The following PRKCQ variants were observed in gnomAD, a reference collection of about 807,000 sequenced individuals.
PRKCQ encodes protein kinase C theta.
In PRKCQ, 41 loss-of-function variants were observed where a neutral mutation model predicts 91.2. The observed-to-expected ratio is 0.45, with a 90% CI of 0.35 to 0.58. The LOEUF is 0.58. PRKCQ is among the 20% of genes least tolerant of loss of function. The probability of loss-of-function intolerance (pLI) is 0.00; values close to 1 mark genes in which losing one functional copy is unlikely to be tolerated. For missense variants in PRKCQ, 673 were observed against 896.5 expected (o/e 0.75, Z 3.18); for synonymous variants, 307 against 316.9 (o/e 0.97, Z 0.33).
intron 1 of PRKCQ, among the ~76,000 whole-genome samples, chr10:6,549,962 A>G (rs1260193774): frequency 2.0e-5 from 3 of 152,062 alleles, no homozygotes; most frequent in African/African-American, 7.2e-5. Flanking sequence ...TTTTCAATGT[A>G]TAGTTCAGCA....
At chr10:6,406,037 T>C in the PRKCQ span, among the ~76,000 whole-genome samples, 1 of 152,226 alleles carries the variant, frequency 6.6e-6, no homozygotes. Context: ...CCATTTGTTT[T>C]GGGCCTTTGT....
chr10:6,520,656 T>C (rs112741594), intron 1 of PRKCQ, among the ~76,000 whole-genome samples: 2 of 152,096 alleles, frequency 1.3e-5, no homozygotes, highest in Non-Finnish European at 2.9e-5. Flanking sequence ...TCCCCTCCTC[T>C]AGAGCCCTCC....
In PRKCQ at chr10:6,491,801, C is replaced by G. The variant is rs965460178; in HGVS notation, c.672G>C (p.Glu224Asp). 2 of 1,614,186 alleles carry G rather than the reference C, an allele frequency of 1.2e-6. No homozygotes were observed. The highest frequency in any genetic ancestry group is 1.7e-6 in the Non-Finnish European group (2 of 1,180,024). ...TGTGTGGCATGTCAATTTTGAATCTCTCCTTGTGGAACTGAAAGAAAGGCA... is the reference window on the plus strand; with the variant it reads ...TGTGTGGCATGTCAATTTTGAATCTGTCCTTGTGGAACTGAAAGAAAGGCA... ...INSRETMFHK[E>D]RFKIDMPHRF... is the part of the protein sequence containing the mutation. Residue 224 changes from glutamate to aspartate, a missense_variant, in exon 8 of 18, where the codon GAG (glutamate) becomes GAC (aspartate). Physicochemically the swap from Glu to Asp is conservative, Grantham distance 45. Coordinates refer to ENST00000263125, the MANE Select transcript of PRKCQ (RefSeq NM_006257.5).
the PRKCQ span, among the ~76,000 whole-genome samples, chr10:6,394,194 A>C: frequency 3.3e-5 from 5 of 152,218 alleles, no homozygotes; most frequent in African/African-American, 9.7e-5. Context: ...TTTGGTGATA[A>C]GCAGGGTGTA....
chr10:6,557,244 C>G (rs1269595782), intron 1 of PRKCQ, among the ~76,000 whole-genome samples: 1 of 152,182 alleles, frequency 6.6e-6, no homozygotes, highest in Non-Finnish European at 1.5e-5. Context: ...AGCCAGCACT[C>G]TGTGGATCTA....
chr10:6,518,881 C>A (rs1387489985), intron 1 of PRKCQ, among the ~76,000 whole-genome samples: 1 of 152,096 alleles, frequency 6.6e-6, no homozygotes, highest in Admixed American at 6.6e-5. Context: ...TTTGCCCATG[C>A]AATTATCAAA....
chr10:6,536,708 C>T (rs1355654132), intron 1 of PRKCQ, among the ~76,000 whole-genome samples: 1 of 152,166 alleles, frequency 6.6e-6, no homozygotes, highest in African/African-American at 2.4e-5. Context: ...CTGTCCCAGC[C>T]CCACAGCTGA....
intron 16 of PRKCQ, among the ~76,000 whole-genome samples, chr10:6,439,236 G>A (rs1001051072): frequency 1.6e-4 from 25 of 152,122 alleles, no homozygotes; most frequent in Non-Finnish European, 4.4e-5. Context: ...CTGTATTCTC[G>A]ATGGATCCTG....
chr10:6,525,438 T>G (rs1839165420), intron 1 of PRKCQ, among the ~76,000 whole-genome samples: 1 of 152,124 alleles, frequency 6.6e-6, no homozygotes, highest in Non-Finnish European at 1.5e-5. Context: ...TAAAAAAACT[T>G]TGCCATTAAA....
intron 15 of PRKCQ, among the ~76,000 whole-genome samples, chr10:6,454,456 T>C (rs1376648749): frequency 6.6e-6 from 1 of 152,064 alleles, no homozygotes; most frequent in Non-Finnish European, 1.5e-5. Flanking sequence ...GAGTCTGAAT[T>C]CAGTCACAAG....
At chr10:6,411,628 T>A in the PRKCQ span, among the ~76,000 whole-genome samples, 15 of 152,324 alleles carry the variant, frequency 9.8e-5, no homozygotes, top group South Asian at 2.9e-3. Context: ...CCCATTTGTT[T>A]CCGTATTGGC....
At position 6,511,070 on chromosome 10, in the gene PRKCQ, G is replaced by A; in HGVS notation, c.243C>T (p.Leu81=). Residue 81 remains leucine (L), a synonymous_variant, in exon 3 of 18, where the codon CTC becomes CTT. Transcript: ENST00000263125. ...QIIVKGKNVD[L]ISETTVELYS... ...AGAGCTCCACGGTGGTTTCAGAGAT[G>A]AGGTCCACGTTTTTGCCTTTCACAA... is the stretch of plus-strand genomic sequence containing the variant. 1 of 1,614,122 alleles carries A rather than the reference G, an allele frequency of 6.2e-7. No homozygotes were observed. Among genetic ancestry groups the A allele is most frequent in the South Asian group, 1.1e-5 (1 of 91,082 alleles).
the PRKCQ span, among the ~76,000 whole-genome samples, chr10:6,419,076 T>C: frequency 6.6e-6 from 1 of 152,168 alleles, no homozygotes; most frequent in Non-Finnish European, 1.5e-5. Context: ...CTATTTATTC[T>C]ATCAATCATC....
At chr10:6,449,498 G>GAAAACACTCTGCAGGATA (rs1236868024) in intron 15 of PRKCQ, among the ~76,000 whole-genome samples, 1 of 152,090 alleles carries the variant, frequency 6.6e-6, no homozygotes, top group African/African-American at 2.4e-5. Context: ...AACCAAGTTG[G>GAAAACACTCTGCAGGATA]AAAACACTCT....
chr10:6,477,799 C>T (rs534176943), intron 12 of PRKCQ, among the ~76,000 whole-genome samples: 60 of 152,246 alleles, frequency 3.9e-4, no homozygotes, highest in African/African-American at 6.7e-4. Context: ...ACCCGGGAGG[C>T]GGAGGTTGCA....
downstream of PRKCQ, among the ~76,000 whole-genome samples, chr10:6,426,439 T>C (rs983713268): frequency 3.3e-5 from 5 of 152,164 alleles, no homozygotes; most frequent in African/African-American, 9.7e-5. Context: ...TTGGTAAACA[T>C]GTGTGAGCAT....
chr10:6,451,120 A>C (rs1329789766), intron 15 of PRKCQ, among the ~76,000 whole-genome samples: 2 of 151,222 alleles, frequency 1.3e-5, no homozygotes, highest in African/African-American at 4.8e-5. Context: ...ACCCTTCAAA[A>C]AATTAATGAA....
chr10:6,550,845 C>T (rs1180992550), intron 1 of PRKCQ, among the ~76,000 whole-genome samples: 1 of 152,200 alleles, frequency 6.6e-6, no homozygotes, highest in African/African-American at 2.4e-5. Context: ...AAAAAGGCTC[C>T]AACTCTCCAC....
the PRKCQ span, among the ~76,000 whole-genome samples, chr10:6,419,181 G>A: frequency 0.99 from 150,385 of 152,236 alleles, 74,295 homozygotes; most frequent in East Asian, 1. Flanking sequence ...ATCTACTTCT[G>A]TCTATCTCTC....
Sources: gnomAD v4.1 joint callset for allele counts (sites outside exome capture counted in the v4.1 genomes callset) on GRCh38, gnomAD v4.1.1 for gene constraint, MANE v1.5 for transcripts, NCBI Gene and HGNC (gene_info 2026-07-23, HGNC 2026-07-21) for gene names.